Variants in PRDX5 observed in about 807,000 individuals in gnomAD.
The protein encoded by PRDX5 is peroxiredoxin 5.
PRDX5 carries 21 observed loss-of-function variants against 23.8 expected under a neutral mutation model. That is an observed-to-expected ratio of 0.88 (90% CI 0.63 to 1.27). The LOEUF (loss-of-function observed/expected upper bound fraction) is 1.27, where lower values mean the gene tolerates loss of function less well. Among genes scored for constraint, PRDX5 ranks in the 50% most tolerant of loss-of-function variants. PRDX5 has a pLI of 0.00. For missense variants in PRDX5, 261 were observed against 270.6 expected (o/e 0.96, Z 0.25); for synonymous variants, 111 against 113.3 (o/e 0.98, Z 0.13).
chr11:64,320,946 G>T (rs1370640304), intron 4 of PRDX5, 43 bp downstream of exon 4: 3 of 1,613,836 alleles, frequency 1.9e-6, no homozygotes, highest in Admixed American at 3.3e-5. Context: ...GCAGTGCGGG[G>T]AGCAGTGGGG....
At position 64,318,154 on chromosome 11, in the gene PRDX5, G is replaced by A; in HGVS notation, c.-62G>A. ...GGGTGTCGCCGCTGTGCCGCTAGCG[G>A]TGCCCCGCCTGCTGCGGTGGCACCA... On this transcript the variant is annotated 5_prime_UTR_variant, in exon 1 of 6. The change creates a new upstream start codon in the 5' untranslated region. Coordinates refer to ENST00000265462, the MANE Select transcript of PRDX5 (RefSeq NM_012094.5). The A allele has an allele frequency of 6.2e-7, 1 of 1,600,706 alleles. No homozygotes were observed. The highest frequency in any genetic ancestry group is 1.1e-5 in the South Asian group (1 of 90,050).
chr11:64,321,220 T>G (rs1165161348), intron 5 of PRDX5, 152 bp downstream of exon 5: 3 of 930,232 alleles, frequency 3.2e-6, no homozygotes, highest in Non-Finnish European at 5.0e-6. Flanking sequence ...GAGAGTCCTG[T>G]GTGGGGAGAG....
chr11:64,320,301 AAAC>A (rs2135278601), intron 2 of PRDX5, among the ~76,000 whole-genome samples: 1 of 152,218 alleles, frequency 6.6e-6, no homozygotes, highest in Non-Finnish European at 1.5e-5. Flanking sequence ...AAAAAAAAGA[AAAC>A]AAGTAGAGAC....
chr11:64,321,140 T>C, intron 5 of PRDX5, 72 bp downstream of exon 5: 1 of 1,482,936 alleles, frequency 6.7e-7, no homozygotes. Flanking sequence ...GAGTCCTCTG[T>C]GGAGAGGGTC....
chr11:64,318,417 C>T (rs1212101777), intron 1 of PRDX5, 31 bp downstream of exon 1: 2 of 1,579,520 alleles, frequency 1.3e-6, no homozygotes, highest in South Asian at 1.1e-5. Context: ...GCCTGACATC[C>T]CCCACTACCC....
Position 64,321,765 on chromosome 11 carries a change from G to T in PRDX5, c.*74G>T. 1 of 1,464,250 alleles carries T rather than the reference G, an allele frequency of 6.8e-7. No homozygotes were observed. Among genetic ancestry groups the T allele is most frequent in the South Asian group, 1.4e-5 (1 of 73,744 alleles). 90.7% of individuals were successfully genotyped at this position (1,464,250 alleles called of 1,614,324 possible). ...AGCCCTGTGCTGGGGCCCTGCAATTGGAATGTTGGCCAGATTTCTGCAATA... is the reference window on the plus strand; with the variant it reads ...AGCCCTGTGCTGGGGCCCTGCAATTTGAATGTTGGCCAGATTTCTGCAATA... On this transcript the variant is annotated 3_prime_UTR_variant, in exon 6 of 6. Transcript: ENST00000265462.
In PRDX5 at chr11:64,318,270, G is replaced by A. The variant is rs374200354; in HGVS notation, c.55G>A (p.Gly19Ser). ...ACGCTCAGCGGGCTATATACTCGTCGGTGGGGCCGGCGGTCAGTCTGCGGC... is the reference window on the plus strand; with the variant it reads ...ACGCTCAGCGGGCTATATACTCGTCAGTGGGGCCGGCGGTCAGTCTGCGGC... ...LRRSAGYILVGGAGGQSAAAA... is the reference protein window; with the variant it reads ...LRRSAGYILVSGAGGQSAAAA... The change falls in exon 1 of 6, where the codon GGT (glycine) becomes AGT (serine). Residue 19 changes from glycine (G) to serine (S), a missense_variant. Physicochemically the swap from Gly to Ser is moderately conservative, Grantham distance 56. Coordinates refer to ENST00000265462, the MANE Select transcript of PRDX5 (RefSeq NM_012094.5). 1 of 1,612,464 alleles carries A rather than the reference G, an allele frequency of 6.2e-7. No individual in the cohort carries two copies. The highest frequency in any genetic ancestry group is 8.5e-7 in the Non-Finnish European group (1 of 1,179,910).
Position 64,320,255 on chromosome 11 carries a change from G to A in PRDX5, c.306+387G>A, listed in dbSNP as rs367664144. Among the ~76,000 whole-genome samples the A allele has an allele frequency of 7.2e-5, 11 of 152,052 alleles. No homozygotes were observed. In the East Asian group the frequency reaches 1.9e-3, roughly 27 times the overall value. On this transcript the variant is annotated intron_variant, in intron 2 of 5. Transcript: ENST00000265462. ...GATCGTGCCTCTGCAGTCCAGCCTG[G>A]GTGAAAGAGCGAGACTCCGTCTCAA... is the stretch of plus-strand genomic sequence containing the variant.
chr11:64,320,019 C>T (rs2035449403), intron 2 of PRDX5, 151 bp downstream of exon 2: 4 of 1,174,044 alleles, frequency 3.4e-6, no homozygotes, highest in Admixed American at 6.1e-5. Flanking sequence ...GTGGCTCACG[C>T]CTGTAATCCC....
chr11:64,318,425 C>G, intron 1 of PRDX5, 39 bp downstream of exon 1: 1 of 1,570,972 alleles, frequency 6.4e-7, no homozygotes, highest in Non-Finnish European at 8.6e-7. Flanking sequence ...TCCCCCACTA[C>G]CCCCATGGCA....
In PRDX5 at chr11:64,320,798, G is replaced by A. The variant is rs1302862676; in HGVS notation, c.438+6G>A. The A allele has an allele frequency of 5.6e-6, 9 of 1,614,246 alleles. No individual in the cohort carries two copies. On this transcript the variant is annotated splice_donor_region_variant and intron_variant, in intron 3 of 5. Coordinates refer to ENST00000265462, the MANE Select transcript of PRDX5 (RefSeq NM_012094.5). ...CCCACAAGGCGGAAGGCAAGGTGAG[G>A]TGAGGGGCCTGCAGGGAGTCAGGAC...
At chr11:64,321,191 T>C in intron 5 of PRDX5, 123 bp downstream of exon 5, 7 of 1,129,738 alleles carry the variant, frequency 6.2e-6, no homozygotes, top group Non-Finnish European at 9.1e-6. Flanking sequence ...GTCCTCTGTG[T>C]GGGAGAGTCG....
Position 64,318,201 on chromosome 11 carries a change from G to T in PRDX5, c.-15G>T. On this transcript the variant is annotated 5_prime_UTR_variant, in exon 1 of 6. Transcript: ENST00000265462. Reference sequence around the variant, plus strand: ...ACCAGCCAGGAGGCGGAGTGGAAGTGGCCGTGGGGCGGGTATGGGACTAGC... The same window carrying T: ...ACCAGCCAGGAGGCGGAGTGGAAGTTGCCGTGGGGCGGGTATGGGACTAGC... The T allele has an allele frequency of 6.2e-7, 1 of 1,611,090 alleles. No homozygotes were observed. The highest frequency in any genetic ancestry group is 1.1e-5 in the South Asian group (1 of 90,972).
chr11:64,321,464 A>T (rs2035498573), intron 5 of PRDX5, 122 bp from the exon 6 acceptor site: 2 of 1,487,394 alleles, frequency 1.3e-6, no homozygotes, highest in African/African-American at 2.8e-5. Flanking sequence ...TGTGGGGGAG[A>T]GTCCTCTGTG....
In PRDX5 at chr11:64,321,653, A is replaced by C; in HGVS notation, c.607A>C (p.Thr203Pro). ...LNVEPDGTGL[T>P]CSLAPNIISQ... ...TGTGGAACCAGATGGCACAGGCCTC[A>C]CCTGCAGCCTGGCACCCAATATCAT... The change falls in exon 6 of 6, where the codon ACC becomes CCC. Residue 203 changes from threonine (T) to proline (P), a missense_variant. By Grantham distance (38) the Thr-to-Pro change is conservative (BLOSUM62 -1). Coordinates refer to ENST00000265462, the MANE Select transcript of PRDX5 (RefSeq NM_012094.5). 1 of 1,606,896 alleles carries C rather than the reference A, an allele frequency of 6.2e-7. No homozygotes were observed. The highest frequency in any genetic ancestry group is 1.9e-4 in the Middle Eastern group (1 of 5,340).
chr11:64,319,944 T>C (rs1357684065), intron 2 of PRDX5, 76 bp downstream of exon 2: 33 of 1,536,390 alleles, frequency 2.1e-5, no homozygotes, highest in African/African-American at 2.8e-5. Flanking sequence ...ATAGTCCTGA[T>C]AGGACTCCTA....
At chr11:64,318,777 A>C (rs943651116) in intron 1 of PRDX5, among the ~76,000 whole-genome samples, 1 of 151,024 alleles carries the variant, frequency 6.6e-6, no homozygotes, top group African/African-American at 2.4e-5. Context: ...TTGTATTTTT[A>C]GTAGAGACGG....
intron 1 of PRDX5, among the ~76,000 whole-genome samples, chr11:64,318,860 C>T (rs2035406334): frequency 7.4e-6 from 1 of 135,990 alleles, no homozygotes; most frequent in Non-Finnish European, 1.6e-5. Flanking sequence ...CCCCCCGCCT[C>T]GGCTTCCCGA....
intron 1 of PRDX5, 58 bp from the exon 2 acceptor site, chr11:64,319,676 C>T (rs988348835): frequency 3.8e-6 from 6 of 1,561,682 alleles, no homozygotes; most frequent in African/African-American, 2.7e-5. Context: ...GTTCACCTTC[C>T]TGCCTCTGGT....
Sources: gnomAD v4.1 joint callset for allele counts (sites outside exome capture counted in the v4.1 genomes callset) on GRCh38, gnomAD v4.1.1 for gene constraint, MANE v1.5 for transcripts, NCBI Gene and HGNC (gene_info 2026-07-23, HGNC 2026-07-21) for gene names.